ROR1: variants seen among roughly 807,000 people sequenced by gnomAD.
ROR1 encodes inactive tyrosine-protein kinase transmembrane receptor ROR1.
A neutral mutation model predicts 78.8 loss-of-function variants in ROR1; 19 were observed. The ratio of observed to expected loss-of-function variants is 0.24; its 90% CI spans 0.17 to 0.35. ROR1 has a LOEUF of 0.35. Among genes scored for constraint, ROR1 ranks in the 10% least tolerant of loss-of-function variants. The probability of loss-of-function intolerance (pLI) is 1.00; values close to 1 mark genes in which losing one functional copy is unlikely to be tolerated. For synonymous variants in ROR1, 386 were observed against 433.6 expected, an observed-to-expected ratio of 0.89 and a Z score of 1.36; for missense variants, 917 against 1,177.8, an observed-to-expected ratio of 0.78 and a Z score of 3.24.
At chr1:63,822,594 G>A (rs1215101515) in intron 1 of ROR1, among the ~76,000 whole-genome samples, 1 of 152,114 alleles carries the variant, frequency 6.6e-6, no homozygotes, top group African/African-American at 2.4e-5. Context: ...TTTAAAAAAT[G>A]AGTTTAATTC....
At chr1:64,020,117 C>G (rs1364661986) in intron 2 of ROR1, among the ~76,000 whole-genome samples, 4 of 152,076 alleles carry the variant, frequency 2.6e-5, no homozygotes, top group African/African-American at 9.7e-5. Flanking sequence ...AAGAGTGTGG[C>G]TCTGCTGGAT....
intron 1 of ROR1, among the ~76,000 whole-genome samples, chr1:63,863,561 G>A (rs182983243): frequency 6.6e-6 from 1 of 152,150 alleles, no homozygotes; most frequent in South Asian, 2.1e-4. Flanking sequence ...ATGCAAAGCT[G>A]TGTGCTTGCC....
chr1:63,853,833 A>G lies in ROR1; in HGVS notation c.91+79325A>G, dbSNP rs111338524. Among the ~76,000 whole-genome samples, 614 of 152,304 alleles carry G rather than the reference A, an allele frequency of 4.0e-3. 2 individuals are homozygous for G. The highest frequency in any genetic ancestry group is 6.6e-3 in the Non-Finnish European group (448 of 68,022). ...ATGATAAAGGATCATTCCACATCCA[A>G]ATATACCTCTCCTGTATTAGCATAA... On this transcript the variant is annotated intron_variant, in intron 1 of 8. Coordinates refer to ENST00000371079, the MANE Select transcript of ROR1 (RefSeq NM_005012.4).
chr1:64,154,232 A>G (rs866135125), intron 7 of ROR1, among the ~76,000 whole-genome samples: 22 of 152,256 alleles, frequency 1.4e-4, no homozygotes, highest in Admixed American at 9.8e-4. Context: ...CCAGCCTGCC[A>G]ACTGAAGGCC....
chr1:64,118,449 A>G (rs1405067493), intron 4 of ROR1, among the ~76,000 whole-genome samples: 1 of 151,888 alleles, frequency 6.6e-6, no homozygotes, highest in Admixed American at 6.6e-5. Context: ...CAACACGGTG[A>G]AACCCCATCT....
chr1:63,774,301 C>A lies in ROR1; in HGVS notation c.-117C>A. 1 of 524,638 alleles carries A rather than the reference C, an allele frequency of 1.9e-6. No individual in the cohort carries two copies. The highest frequency in any genetic ancestry group is 4.1e-5 in the Admixed American group (1 of 24,440). The allele number at this position is 524,638 out of a possible 1,614,324, so 32.5% of individuals were successfully genotyped here. A position where few individuals can be genotyped will look rare whatever the true frequency, so the allele number is the denominator to read the frequency against. ...GGACAAAGAGCTTTGCAGACGTCCCCGGCGTCCTGCGAGCGCCAGCGGCCG... is the reference window on the plus strand; with the variant it reads ...GGACAAAGAGCTTTGCAGACGTCCCAGGCGTCCTGCGAGCGCCAGCGGCCG... On this transcript the variant is annotated 5_prime_UTR_variant, in exon 1 of 9. Coordinates refer to ENST00000371079, the MANE Select transcript of ROR1 (RefSeq NM_005012.4). The surrounding 1 kb of genome is among the most constrained non-coding windows in gnomAD (Gnocchi z 5.7).
At chr1:63,935,241 G>A (rs1054224906) in intron 1 of ROR1, among the ~76,000 whole-genome samples, 6 of 152,140 alleles carry the variant, frequency 3.9e-5, no homozygotes, top group Non-Finnish European at 8.8e-5. Flanking sequence ...AAACAGAATG[G>A]AGGGAGCTGT....
At chr1:64,125,535 AT>A (rs1200810133) in intron 4 of ROR1, among the ~76,000 whole-genome samples, 1 of 152,160 alleles carries the variant, frequency 6.6e-6, no homozygotes, top group Non-Finnish European at 1.5e-5. Context: ...GTCAGATACG[AT>A]TCCGTACTAC....
At chr1:63,866,609 T>G (rs548139169) in intron 1 of ROR1, among the ~76,000 whole-genome samples, 2 of 150,908 alleles carry the variant, frequency 1.3e-5, no homozygotes, top group South Asian at 4.2e-4. Context: ...GGACCTAGCC[T>G]TTTTTTTTGG....
chr1:64,029,714 C>T (rs1172690198), intron 2 of ROR1, among the ~76,000 whole-genome samples: 1 of 152,058 alleles, frequency 6.6e-6, no homozygotes, highest in African/African-American at 2.4e-5. Context: ...GATTAAGACC[C>T]CACCCTGATT....
At chr1:64,034,683 A>C (rs542263331) in intron 2 of ROR1, among the ~76,000 whole-genome samples, 51 of 152,254 alleles carry the variant, frequency 3.3e-4, no homozygotes, top group African/African-American at 1.1e-3. Context: ...GCCTTCTTCC[A>C]GGCTTCTGTA....
At chr1:64,035,792 C>T (rs1031767334) in intron 2 of ROR1, among the ~76,000 whole-genome samples, 6 of 152,132 alleles carry the variant, frequency 3.9e-5, no homozygotes, top group Non-Finnish European at 5.9e-5. Flanking sequence ...CGGCAGCTTT[C>T]CAGTTCTTGG....
At chr1:64,116,834 G>T (rs1178726311) in intron 4 of ROR1, among the ~76,000 whole-genome samples, 1 of 152,088 alleles carries the variant, frequency 6.6e-6, no homozygotes, top group Non-Finnish European at 1.5e-5. Flanking sequence ...GACCACCCCA[G>T]CCTACGGTGG....
intron 2 of ROR1, among the ~76,000 whole-genome samples, chr1:64,029,247 T>C (rs1484348651): frequency 6.6e-6 from 1 of 152,116 alleles, no homozygotes; most frequent in Non-Finnish European, 1.5e-5. Context: ...CCTTCTACCA[T>C]TAACAAAGAA....
At chr1:63,884,840 GTT>G (rs1161566027) in intron 1 of ROR1, among the ~76,000 whole-genome samples, 2 of 145,772 alleles carry the variant, frequency 1.4e-5, no homozygotes, top group African/African-American at 2.5e-5. Context: ...GTTATGGTGT[GTT>G]TTTTTTTTTG....
intron 1 of ROR1, among the ~76,000 whole-genome samples, chr1:64,008,334 T>A (rs1646446717): frequency 6.6e-6 from 1 of 152,240 alleles, no homozygotes; most frequent in African/African-American, 2.4e-5. Context: ...ATGGTATATA[T>A]GTACCACATT....
At chr1:63,982,451 GAC>G (rs1376161196) in intron 1 of ROR1, among the ~76,000 whole-genome samples, 1 of 152,282 alleles carries the variant, frequency 6.6e-6, no homozygotes, top group South Asian at 2.1e-4. Flanking sequence ...TTTAAGAGAA[GAC>G]ACACCAAACC....
chr1:63,875,342 T>C (rs1645278560), intron 1 of ROR1, among the ~76,000 whole-genome samples: 1 of 152,156 alleles, frequency 6.6e-6, no homozygotes, highest in Non-Finnish European at 1.5e-5. Flanking sequence ...TGCAGTTAGT[T>C]TTTTCAGCAA....
intron 1 of ROR1, among the ~76,000 whole-genome samples, chr1:63,983,438 C>A (rs55808350): frequency 0.028 from 4,301 of 152,210 alleles, 223 homozygotes; most frequent in African/African-American, 0.1. Context: ...GGAAGCGGGA[C>A]CCCTCTAGAA....
Sources: allele counts gnomAD v4.1 joint callset (sites outside exome capture counted in the v4.1 genomes callset), GRCh38; gene constraint gnomAD v4.1.1; non-coding constraint Gnocchi (gnomAD v3.1); transcripts MANE v1.5; gene names NCBI Gene and HGNC (gene_info 2026-07-23, HGNC 2026-07-21).